Variants in RANBP17 observed in about 807,000 individuals in gnomAD.
RANBP17 encodes the protein ran-binding protein 17.
RANBP17 carries 158 observed loss-of-function variants against 141.2 expected under a neutral mutation model. The observed-to-expected ratio is 1.12, with a 90% CI of 0.98 to 1.28. RANBP17 has a LOEUF of 1.28. RANBP17 is among the 50% of genes most tolerant of loss of function. The pLI is 0.00. For missense variants in RANBP17, 1,438 were observed against 1,290.7 expected (o/e 1.11, Z -1.75); for synonymous variants, 430 against 450.0 (o/e 0.96, Z 0.56).
chr5:171,098,566 A>G (rs1293977468), intron 14 of RANBP17, among the ~76,000 whole-genome samples: 1 of 151,924 alleles, frequency 6.6e-6, no homozygotes, highest in East Asian at 1.9e-4. Flanking sequence ...GATTGCAAAA[A>G]TTTTCTCCCA....
At chr5:171,090,934 A>G (rs1338809676) in intron 14 of RANBP17, among the ~76,000 whole-genome samples, 1 of 152,198 alleles carries the variant, frequency 6.6e-6, no homozygotes, top group Non-Finnish European at 1.5e-5. Flanking sequence ...ATTTTGCTGC[A>G]GGGGCGAGGC....
intron 14 of RANBP17, among the ~76,000 whole-genome samples, chr5:171,114,404 C>T (rs185046411): frequency 6.6e-6 from 1 of 152,080 alleles, no homozygotes; most frequent in Admixed American, 6.5e-5. Context: ...TTACCTGCTC[C>T]AGGAGCTTAC....
At chr5:170,931,421 A>C (rs994297539) in intron 12 of RANBP17, among the ~76,000 whole-genome samples, 1 of 152,122 alleles carries the variant, frequency 6.6e-6, no homozygotes, top group African/African-American at 2.4e-5. Context: ...ATTAGATCCA[A>C]TTTGTCAATT....
intron 14 of RANBP17, among the ~76,000 whole-genome samples, chr5:170,983,583 G>C (rs897483100): frequency 2.3e-4 from 35 of 152,152 alleles, no homozygotes; most frequent in African/African-American, 8.2e-4. Flanking sequence ...AATGAAAATA[G>C]TAAAAGAAAT....
intron 21 of RANBP17, among the ~76,000 whole-genome samples, chr5:171,214,336 A>G (rs938320939): frequency 6.6e-5 from 10 of 152,220 alleles, no homozygotes; most frequent in Admixed American, 6.5e-4. Context: ...TATAATTTGC[A>G]TAGACTGGCA....
intron 25 of RANBP17, 102 bp from the exon 26 acceptor site, chr5:171,293,781 G>A (rs1581197656): frequency 2.4e-6 from 2 of 849,488 alleles, no homozygotes; most frequent in South Asian, 1.4e-5. Flanking sequence ...TTTCATAGCT[G>A]TTAGCAAGAT....
intron 5 of RANBP17, among the ~76,000 whole-genome samples, chr5:170,907,732 T>G (rs191569173): frequency 7.4e-4 from 113 of 152,116 alleles, no homozygotes; most frequent in African/African-American, 2.6e-3. Flanking sequence ...AAATAATATA[T>G]GAAGAATACT....
intron 1 of RANBP17, among the ~76,000 whole-genome samples, chr5:170,871,831 A>T (rs1191228647): frequency 6.6e-6 from 1 of 152,026 alleles, no homozygotes; most frequent in African/African-American, 2.4e-5. Context: ...ATGGTTGTAG[A>T]TGTGTGGTCT....
rs1234079625 is a variant in RANBP17 at position 171,098,063 on chromosome 5, T to A, written c.1711-72067T>A. ...GATGGGCATTTGGGTTGGTTCCAAG[T>A]CTCTGCTATTGTGAATAGTGCTGCA... is the stretch of plus-strand genomic sequence containing the variant. On this transcript the variant is annotated intron_variant, in intron 14 of 27. Coordinates refer to ENST00000523189, the MANE Select transcript of RANBP17 (RefSeq NM_022897.5). Among the ~76,000 whole-genome samples, 3 of 152,150 alleles carry A rather than the reference T, an allele frequency of 2.0e-5. No individual in the cohort carries two copies. In the South Asian group the frequency reaches 6.2e-4, roughly 32 times the overall value.
At chr5:171,208,213 T>C (rs939710023) in intron 20 of RANBP17, among the ~76,000 whole-genome samples, 1 of 152,226 alleles carries the variant, frequency 6.6e-6, no homozygotes, top group African/African-American at 2.4e-5. Flanking sequence ...TAAAATGCTA[T>C]TTTAGTGGTT....
chr5:171,210,338 G>A (rs2127968186), intron 20 of RANBP17, among the ~76,000 whole-genome samples: 1 of 152,094 alleles, frequency 6.6e-6, no homozygotes, highest in Non-Finnish European at 1.5e-5. Flanking sequence ...AGTCACCTCT[G>A]TCAGAAGCAT....
chr5:171,065,669 T>C lies in RANBP17; in HGVS notation c.1710+97292T>C, dbSNP rs776889551. 2.6e-5 allele frequency among the ~76,000 whole-genome samples: 4 copies of C among 152,178 alleles called. No homozygotes were observed. In the South Asian group the frequency reaches 8.3e-4, roughly 32 times the overall value. ...AGTTTTATCATATACTAGATGTTTA[T>C]ATGTAATTGGATCTAATTCTAGAAA... On this transcript the variant is annotated intron_variant, in intron 14 of 27. Coordinates refer to ENST00000523189, the MANE Select transcript of RANBP17 (RefSeq NM_022897.5).
chr5:171,074,326 G>A (rs371258647), intron 14 of RANBP17, among the ~76,000 whole-genome samples: 155 of 152,102 alleles, frequency 1.0e-3, no homozygotes, highest in African/African-American at 3.7e-3. Context: ...TAAAAAACAA[G>A]GAAAAGTCTG....
intron 14 of RANBP17, among the ~76,000 whole-genome samples, chr5:171,165,914 G>A (rs1005560615): frequency 3.9e-5 from 6 of 152,124 alleles, no homozygotes; most frequent in Admixed American, 1.3e-4. Context: ...TTTTACCAGT[G>A]TTCATCCCAG....
intron 25 of RANBP17, among the ~76,000 whole-genome samples, chr5:171,267,561 A>G (rs1766804716): frequency 6.6e-6 from 1 of 151,854 alleles, no homozygotes; most frequent in South Asian, 2.1e-4. Context: ...TAATCTCAGC[A>G]CCTTTGGGAG....
At chr5:171,219,996 G>GT (rs1440805437) in intron 21 of RANBP17, among the ~76,000 whole-genome samples, 2 of 152,016 alleles carry the variant, frequency 1.3e-5, no homozygotes, top group Non-Finnish European at 2.9e-5. Flanking sequence ...AATTTTCAGT[G>GT]TTTTTTGTGC....
At chr5:171,185,743 G>A (rs544847233) in intron 18 of RANBP17, among the ~76,000 whole-genome samples, 22 of 152,224 alleles carry the variant, frequency 1.4e-4, no homozygotes, top group South Asian at 4.1e-4. Flanking sequence ...CCTCAGAGTC[G>A]TCCATGAGAG....
intron 14 of RANBP17, among the ~76,000 whole-genome samples, chr5:171,119,873 C>T (rs899257321): frequency 6.6e-6 from 1 of 151,904 alleles, no homozygotes; most frequent in African/African-American, 2.4e-5. Flanking sequence ...AACCCCGTCT[C>T]TACTAAAAAT....
At chr5:170,903,662 A>G (rs780452974) in intron 5 of RANBP17, 25 of 264,954 alleles carry the variant, frequency 9.4e-5, no homozygotes, top group Non-Finnish European at 1.5e-4. Context: ...AAGGAACTTA[A>G]TGAGCAAGCA....
Sources: gnomAD v4.1 joint callset for allele counts (sites outside exome capture counted in the v4.1 genomes callset) on GRCh38, gnomAD v4.1.1 for gene constraint, MANE v1.5 for transcripts, NCBI Gene and HGNC (gene_info 2026-07-23, HGNC 2026-07-21) for gene names.